MYT1: variants seen among roughly 807,000 people sequenced by gnomAD.
MYT1 encodes the protein myelin transcription factor I.
MYT1 carries 23 observed loss-of-function variants against 123.0 expected under a neutral mutation model. That is an observed-to-expected ratio of 0.19 (90% confidence interval 0.13 to 0.26). The LOEUF is 0.26. Ranked by LOEUF, MYT1 falls within the 10% of genes least tolerant of loss-of-function variation. MYT1 has a pLI of 1.00. For synonymous variants in MYT1, 518 were observed against 575.3 expected (o/e 0.90, Z 1.43); for missense variants, 1,125 against 1,472.5 (o/e 0.76, Z 3.86).
Position 64,219,703 on chromosome 20 carries a change from G to A in MYT1, c.1972-10G>A. The stretch of plus-strand genomic sequence containing the variant: ...GGAATCGCTAACAGATCTCACCTTT[G>A]CCATTGCAGTCTGTGGATATCGAGG... On this transcript the variant is annotated splice_polypyrimidine_tract_variant and intron_variant, in intron 12 of 22. Transcript: ENST00000328439. 6.2e-7 allele frequency: 1 copy of A among 1,603,772 alleles called. No homozygotes were observed. The highest frequency in any genetic ancestry group is 8.5e-7 in the Non-Finnish European group (1 of 1,173,116).
rs568027574 is a variant in MYT1 at position 64,236,550 on chromosome 20, T to A, written c.2898-5T>A. On this transcript the variant is annotated splice_region_variant and splice_polypyrimidine_tract_variant and intron_variant, in intron 19 of 22. Transcript: ENST00000328439. ...TGGTGAATGATATGTGGCCTCTGCT[T>A]CCAGTTTGTCAGGCTGTCCCAGAGC... 6.2e-7 allele frequency: 1 copy of A among 1,613,052 alleles called. No individual in the cohort carries two copies. Among genetic ancestry groups the A allele is most frequent in the South Asian group, 1.1e-5 (1 of 91,078 alleles).
intron 3 of MYT1, 88 bp from the exon 4 acceptor site, chr20:64,199,804 G>A: frequency 6.8e-7 from 1 of 1,474,052 alleles, no homozygotes; most frequent in Non-Finnish European, 9.5e-7. Flanking sequence ...AAACCTCTCG[G>A]CTGTTTAACT....
chr20:64,201,106 CAGTG>C (rs2145710877), intron 4 of MYT1, among the ~76,000 whole-genome samples: 1 of 152,322 alleles, frequency 6.6e-6, no homozygotes, highest in South Asian at 2.1e-4. Context: ...GGCGAGGGTG[CAGTG>C]AGTGAGGCAC....
At chr20:64,174,874 T>TCTC (rs1319883626) in intron 1 of MYT1, among the ~76,000 whole-genome samples, 1 of 486 alleles carries the variant, frequency 2.1e-3, no homozygotes. Flanking sequence ...CTCCCTGGCT[T>TCTC]CTCCTGTAGC....
In MYT1 at chr20:64,205,091, A is replaced by G. The variant is rs755819751; in HGVS notation, c.143A>G (p.His48Arg). The G allele has an allele frequency of 1.2e-6, 2 of 1,613,996 alleles. No homozygotes were observed. Among genetic ancestry groups the G allele is most frequent in the Non-Finnish European group, 1.7e-6 (2 of 1,180,004 alleles). ...SGHVRGKYSR[H>R]RSLQSCPLAK... Reference sequence around the variant, plus strand: ...CACGTCCGGGGCAAGTACTCCAGGCACCGAAGGTAAGAGGACCCTTGGATC... The same window carrying G: ...CACGTCCGGGGCAAGTACTCCAGGCGCCGAAGGTAAGAGGACCCTTGGATC... Residue 48 changes from histidine to arginine, a missense_variant, in exon 5 of 23, where the codon CAC (histidine) becomes CGC (arginine). By Grantham distance (29) the His-to-Arg change is conservative (BLOSUM62 0). Transcript: ENST00000328439.
chr20:64,229,639 G>A (rs192684624), intron 18 of MYT1, among the ~76,000 whole-genome samples: 57 of 152,306 alleles, frequency 3.7e-4, no homozygotes, highest in African/African-American at 1.3e-3. Context: ...TTAAACAGAT[G>A]CATATCAAAG....
intron 4 of MYT1, among the ~76,000 whole-genome samples, chr20:64,201,279 G>A (rs1265897850): frequency 6.6e-6 from 1 of 152,186 alleles, no homozygotes; most frequent in Non-Finnish European, 1.5e-5. Flanking sequence ...ATTCTGAGAG[G>A]ACCTGTCCAG....
chr20:64,220,119 G>C (rs1207784381), intron 13 of MYT1, 137 bp downstream of exon 13: 5 of 1,383,042 alleles, frequency 3.6e-6, no homozygotes, highest in Non-Finnish European at 4.7e-6. Flanking sequence ...ATCCCTTTTC[G>C]TGAAGGGTCC....
At chr20:64,235,485 GGTGACCCTGGGCTGGCTGA>G (rs1188310389) in intron 19 of MYT1, among the ~76,000 whole-genome samples, 4 of 137,434 alleles carry the variant, frequency 2.9e-5, no homozygotes, top group Admixed American at 7.5e-5. Flanking sequence ...GGTCATGATG[GGTGACCCTGGGCTGGCTGA>G]GTGACCCTGG....
At chr20:64,187,660 C>T (rs1165684585) in intron 1 of MYT1, among the ~76,000 whole-genome samples, 1 of 152,266 alleles carries the variant, frequency 6.6e-6, no homozygotes, top group Non-Finnish European at 1.5e-5. Flanking sequence ...CAGGGTTTGG[C>T]CATACACAGG....
Position 64,242,034 on chromosome 20 carries a change from C to T in MYT1, c.*1586C>T, listed in dbSNP as rs543378099. ...GTGTGCTTGGGCGTGTTTCTCGTGTCGCGTTTGCGTGTCGGCTCTTGCGGT... is the reference window on the plus strand; with the variant it reads ...GTGTGCTTGGGCGTGTTTCTCGTGTTGCGTTTGCGTGTCGGCTCTTGCGGT... On this transcript the variant is annotated 3_prime_UTR_variant, in exon 23 of 23. Transcript: ENST00000328439. The T allele has an allele frequency of 6.6e-6, 1 of 152,536 alleles. No homozygotes were observed. Among genetic ancestry groups the T allele is most frequent in the Non-Finnish European group, 1.5e-5 (1 of 68,018 alleles). The allele number at this position is 152,536 out of a possible 1,614,324, so 9.4% of individuals were successfully genotyped here.
At chr20:64,215,557 A>G (rs891986294) in intron 10 of MYT1, among the ~76,000 whole-genome samples, 1 of 152,112 alleles carries the variant, frequency 6.6e-6, no homozygotes, top group Non-Finnish European at 1.5e-5. Context: ...GAAGCCATCA[A>G]CGGTGGTACC....
Position 64,218,818 on chromosome 20 carries a change from C to T in MYT1, c.1847-93C>T. The T allele has an allele frequency of 6.6e-7, 1 of 1,514,722 alleles. No homozygotes were observed. The highest frequency in any genetic ancestry group is 9.0e-7 in the Non-Finnish European group (1 of 1,112,370). 93.8% of individuals were successfully genotyped at this position (1,514,722 alleles called of 1,614,324 possible). ...AGTTGTATATCAGCCTGGTGTTGTTCCCTTTTTGCAGCCAAACCTTTCCCA... is the reference window on the plus strand; with the variant it reads ...AGTTGTATATCAGCCTGGTGTTGTTTCCTTTTTGCAGCCAAACCTTTCCCA... On this transcript the variant is annotated intron_variant, in intron 11 of 22. Transcript: ENST00000328439. The surrounding 1 kb of genome is among the most constrained non-coding windows in gnomAD (Gnocchi z 4.0).
chr20:64,217,040 G>C, intron 10 of MYT1, 27 bp from the exon 11 acceptor site: 1 of 1,592,930 alleles, frequency 6.3e-7, no homozygotes, highest in Non-Finnish European at 8.6e-7. Flanking sequence ...CATCTCACTG[G>C]CTGTGCATCC....
In MYT1 at chr20:64,207,956, A is replaced by T; in HGVS notation, c.760A>T (p.Ile254Phe). The change falls in exon 7 of 23, where the codon ATC becomes TTC. Residue 254 changes from isoleucine to phenylalanine, a missense_variant. Physicochemically the swap from Ile to Phe is conservative, Grantham distance 21. This residue lies in a region of MYT1 where 406 missense variants were observed against 432.2 expected (regional missense o/e 0.94). Coordinates refer to ENST00000328439, the MANE Select transcript of MYT1 (RefSeq NM_004535.3). ...ASEESSKQKG[I>F]LSHEEEDEEE... ...TGAGGAGTCCAGCAAGCAGAAAGGC[A>T]TCCTGAGTCACGAAGAGGAGGACGA... The T allele has an allele frequency of 6.2e-7, 1 of 1,609,464 alleles. No individual in the cohort carries two copies. Among genetic ancestry groups the T allele is most frequent in the African/African-American group, 1.3e-5 (1 of 74,356 alleles).
At chr20:64,210,909 CAGAGG>C (rs1173840076) in intron 7 of MYT1, among the ~76,000 whole-genome samples, 1 of 152,246 alleles carries the variant, frequency 6.6e-6, no homozygotes, top group Non-Finnish European at 1.5e-5. Flanking sequence ...TCCACACTGT[CAGAGG>C]AGAGAGGAAA....
chr20:64,206,047 G>A (rs1476251166), intron 6 of MYT1, among the ~76,000 whole-genome samples: 5 of 152,118 alleles, frequency 3.3e-5, no homozygotes, highest in Admixed American at 6.5e-5. Flanking sequence ...ACAGAGACAC[G>A]GGGCTGGTGT....
rs1219209748 is a variant in MYT1, at chr20:64,231,284, C to G, written c.2676-880C>G. On this transcript the variant is annotated intron_variant, in intron 18 of 22. Transcript: ENST00000328439. The surrounding 1 kb of genome is among the most constrained non-coding windows in gnomAD (Gnocchi z 6.4). The stretch of plus-strand genomic sequence containing the variant: ...GGGTTTGGCGTGGGTTCCTGGATGA[C>G]GTGGTCCCTCAGCTCCCCAAGTCCT... Among the ~76,000 whole-genome samples the G allele has an allele frequency of 6.6e-6, 1 of 152,146 alleles. No individual in the cohort carries two copies. The highest frequency in any genetic ancestry group is 1.5e-5 in the Non-Finnish European group (1 of 68,032).
At chr20:64,178,862 A>G (rs75737108) in intron 1 of MYT1, among the ~76,000 whole-genome samples, 14 of 103,018 alleles carry the variant, frequency 1.4e-4, no homozygotes, top group East Asian at 3.3e-4. Flanking sequence ...TCGGTGGGAT[A>G]CCCTTCAACG....
Sources: gnomAD v4.1 joint callset for allele counts (sites outside exome capture counted in the v4.1 genomes callset) on GRCh38, gnomAD v4.1.1 for gene constraint, gnomAD v4.1.1 regional missense constraint, Gnocchi (gnomAD v3.1) non-coding constraint, MANE v1.5 for transcripts, NCBI Gene and HGNC (gene_info 2026-07-23, HGNC 2026-07-21) for gene names.